Variants in STPG1 observed in about 807,000 individuals in gnomAD.
STPG1 encodes the protein sperm tail PG-rich repeat containing 1.
STPG1 carries 33 observed loss-of-function variants against 40.1 expected under a neutral mutation model. The observed-to-expected ratio is 0.82, with a 90% confidence interval of 0.62 to 1.10. The LOEUF (loss-of-function observed/expected upper bound fraction) is 1.10. STPG1 is among the 50% of genes least tolerant of loss of function. STPG1 has a pLI of 0.00. For synonymous variants in STPG1, 150 were observed against 155.0 expected (o/e 0.97, Z 0.24); for missense variants, 396 against 415.1 (o/e 0.95, Z 0.40).
At position 24,376,888 on chromosome 1, in the gene STPG1, G is replaced by A. The variant is rs1642052350; in HGVS notation, c.462+2765C>T. ...CTCCTGTTAGCATAATAATCTCCTC[G>A]CTGGTTTTCCAGAACCCACTCTCCA... is the stretch of plus-strand genomic sequence containing the variant. On this transcript the variant is annotated intron_variant, in intron 5 of 8. Coordinates refer to ENST00000337248, the MANE Select transcript of STPG1 (RefSeq NM_001199013.2). 2.6e-5 allele frequency among the ~76,000 whole-genome samples: 4 copies of A among 152,008 alleles called. No homozygotes were observed. In the South Asian group the frequency reaches 6.2e-4, roughly 24 times the overall value.
At position 24,375,163 on chromosome 1, in the gene STPG1, G is replaced by A. The variant is rs536831221; in HGVS notation, c.463-1353C>T. Among the ~76,000 whole-genome samples, 10 of 152,238 alleles carry A rather than the reference G, an allele frequency of 6.6e-5. No individual in the cohort carries two copies. The East Asian group carries it at 9.6e-4, about 15-fold the overall frequency. ...TCACGAAATACATTTGAGAGTGCGC[G>A]ATGTGTTCAGAACTCTAAAAATAAT... On this transcript the variant is annotated intron_variant, in intron 5 of 8. Coordinates refer to ENST00000337248, the MANE Select transcript of STPG1 (RefSeq NM_001199013.2).
chr1:24,370,287 CT>C (rs1452889784), intron 6 of STPG1, among the ~76,000 whole-genome samples: 2 of 150,466 alleles, frequency 1.3e-5, no homozygotes, highest in Non-Finnish European at 3.0e-5. Context: ...ATAGTGGATG[CT>C]TTGTAAATAT....
intron 1 of STPG1, chr1:24,411,954 CTCTT>C (rs1267834516): frequency 7.4e-6 from 1 of 135,414 alleles, no homozygotes; most frequent in African/African-American, 2.6e-5. Context: ...GATTCTCTCT[CTCTT>C]TTTTTCTTTT....
At chr1:24,379,898 G>A in intron 4 of STPG1, 75 bp from the exon 5 acceptor site, 1 of 1,470,238 alleles carries the variant, frequency 6.8e-7, no homozygotes, top group African/African-American at 1.4e-5. Context: ...TCAAAAAGAT[G>A]GTGACCAGCA....
At chr1:24,396,139 T>C (rs997919226) in intron 2 of STPG1, among the ~76,000 whole-genome samples, 7 of 152,220 alleles carry the variant, frequency 4.6e-5, no homozygotes, top group Non-Finnish European at 1.0e-4. Context: ...TGTGAAGTGT[T>C]ATAATATCAC....
At chr1:24,383,410 C>T (rs1181702794) in intron 4 of STPG1, among the ~76,000 whole-genome samples, 1 of 152,122 alleles carries the variant, frequency 6.6e-6, no homozygotes, top group African/African-American at 2.4e-5. Flanking sequence ...TTGTTACAGC[C>T]CTCAACAAAA....
chr1:24,364,579 T>C, intron 7 of STPG1: 1 of 834,218 alleles, frequency 1.2e-6, no homozygotes, highest in South Asian at 4.2e-5. Flanking sequence ...CCGGGAACAT[T>C]TGCTGAAGTG....
Position 24,358,036 on chromosome 1 carries a change from C to T in STPG1, c.*507G>A, listed in dbSNP as rs1040198240. The T allele has an allele frequency of 2.2e-5, 8 of 357,220 alleles. No individual in the cohort carries two copies. Among genetic ancestry groups the T allele is most frequent in the South Asian group, 1.2e-4 (6 of 48,386 alleles). 22.1% of individuals were successfully genotyped at this position (357,220 alleles called of 1,614,324 possible). A position where few individuals can be genotyped will look rare whatever the true frequency, so the allele number is the denominator to read the frequency against. On this transcript the variant is annotated 3_prime_UTR_variant, in exon 9 of 9. Coordinates refer to ENST00000337248, the MANE Select transcript of STPG1 (RefSeq NM_001199013.2). Reference sequence around the variant, plus strand: ...GCATCACCTGCCTGCAGGTAGCTTTCGCCCAGTAGACATACCGTAAGTGAG... The same window carrying T: ...GCATCACCTGCCTGCAGGTAGCTTTTGCCCAGTAGACATACCGTAAGTGAG...
rs907836355 is a variant in STPG1, at chr1:24,392,048, C to T, written c.71-369G>A. ...CGAGGCGCGGTCAGGACAGAGGAAG[C>T]GTCCTCACTGCTCCTTGGCCTAGAT... On this transcript the variant is annotated intron_variant, in intron 2 of 8. Coordinates refer to ENST00000337248, the MANE Select transcript of STPG1 (RefSeq NM_001199013.2). The T allele has an allele frequency of 4.9e-5, 49 of 1,008,088 alleles. No individual in the cohort carries two copies. The East Asian group carries it at 7.4e-4, about 15-fold the overall frequency. 62.4% of individuals were successfully genotyped at this position (1,008,088 alleles called of 1,614,324 possible).
intron 2 of STPG1, among the ~76,000 whole-genome samples, chr1:24,397,473 G>A (rs2148709737): frequency 6.6e-6 from 1 of 151,846 alleles, no homozygotes; most frequent in South Asian, 2.1e-4. Context: ...ATTACAAGAG[G>A]GAAAAAGATC....
chr1:24,370,208 C>T (rs1333527190), intron 6 of STPG1, among the ~76,000 whole-genome samples: 1 of 152,136 alleles, frequency 6.6e-6, no homozygotes, highest in African/African-American at 2.4e-5. Flanking sequence ...TCTCTATAAA[C>T]TAAGAATAAT....
At chr1:24,376,259 G>A (rs1341433416) in intron 5 of STPG1, among the ~76,000 whole-genome samples, 2 of 152,180 alleles carry the variant, frequency 1.3e-5, no homozygotes, top group African/African-American at 4.8e-5. Context: ...GACCTCAGGT[G>A]ATCTGTCCAC....
intron 1 of STPG1, among the ~76,000 whole-genome samples, chr1:24,402,840 A>C (rs1011438019): frequency 1.3e-5 from 2 of 152,140 alleles, no homozygotes; most frequent in African/African-American, 4.8e-5. Context: ...TGTACAAGTT[A>C]ATACATCTGG....
At chr1:24,404,252 A>G (rs977166362) in intron 1 of STPG1, among the ~76,000 whole-genome samples, 3 of 152,200 alleles carry the variant, frequency 2.0e-5, no homozygotes, top group African/African-American at 4.8e-5. Flanking sequence ...AAATGTTAAA[A>G]CAACCTAGTG....
intron 1 of STPG1, among the ~76,000 whole-genome samples, chr1:24,412,453 A>C (rs1483327006): frequency 1.3e-5 from 2 of 152,132 alleles, no homozygotes; most frequent in Non-Finnish European, 2.9e-5. Flanking sequence ...TCTTTTTCAA[A>C]GCACTTTTCA....
At chr1:24,370,781 G>A (rs1427544772) in intron 6 of STPG1, among the ~76,000 whole-genome samples, 1 of 139,588 alleles carries the variant, frequency 7.2e-6, no homozygotes, top group African/African-American at 2.7e-5. Context: ...GTGAGCCACT[G>A]TGCCCAGCTT....
rs1557440345 is a variant in STPG1 at position 24,374,242 on chromosome 1, G to GCGTTTTTTTTTTTTTTTTTTTTTTTT, written c.463-433_463-432insAAAAAAAAAAAAAAAAAAAAAAAACG. On this transcript the variant is annotated intron_variant, in intron 5 of 8. Transcript: ENST00000337248. ...CCCAGCAGAGATCACCGCTAGGAAAGTGTTTTTTTTTTTTGTTTTTTTTTT... is the reference window on the plus strand; with the variant it reads ...CCCAGCAGAGATCACCGCTAGGAAAGCGTTTTTTTTTTTTTTTTTTTTTTTTTGTTTTTTTTTTTTGTTTTTTTTTT... Among the ~76,000 whole-genome samples, 2 of 124,860 alleles carry GCGTTTTTTTTTTTTTTTTTTTTTTTT rather than the reference G, an allele frequency of 1.6e-5. 1 individual carries two copies. Among genetic ancestry groups the GCGTTTTTTTTTTTTTTTTTTTTTTTT allele is most frequent in the African/African-American group, 6.5e-5 (2 of 30,788 alleles). 81.9% of individuals were successfully genotyped at this position (124,860 alleles called of 152,430 possible). A position where few individuals can be genotyped will look rare whatever the true frequency, so the allele number is the denominator to read the frequency against.
intron 2 of STPG1, chr1:24,401,062 G>T (rs1477317710): frequency 5.0e-6 from 2 of 400,070 alleles, no homozygotes; most frequent in Non-Finnish European, 9.0e-6. Context: ...CAGATACATG[G>T]AACTAACAAG....
rs566966741 is a variant in STPG1, at chr1:24,382,123, G to T, written c.291+1779C>A. On this transcript the variant is annotated intron_variant, in intron 4 of 8. Coordinates refer to ENST00000337248, the MANE Select transcript of STPG1 (RefSeq NM_001199013.2). The stretch of plus-strand genomic sequence containing the variant: ...GGCCTGAAAGGCGTGGCTAGGTTCT[G>T]TAACACTCAGCTCTTGCCTTGGGCC... Among the ~76,000 whole-genome samples, 7 of 152,344 alleles carry T rather than the reference G, an allele frequency of 4.6e-5. No homozygotes were observed. The South Asian group carries it at 1.5e-3, about 32-fold the overall frequency.
Sources: allele counts gnomAD v4.1 joint callset (sites outside exome capture counted in the v4.1 genomes callset), GRCh38; gene constraint gnomAD v4.1.1; transcripts MANE v1.5; gene names NCBI Gene and HGNC (gene_info 2026-07-23, HGNC 2026-07-21).